The following PRKG1 variants were observed in gnomAD, a reference collection of about 807,000 sequenced individuals.
PRKG1 encodes the protein protein kinase cGMP-dependent 1, also known as cGMP-dependent protein kinase 1.
PRKG1 carries 35 observed loss-of-function variants against 88.1 expected under a neutral mutation model. The ratio of observed to expected loss-of-function variants is 0.40; its 90% CI spans 0.30 to 0.53. The LOEUF is 0.53. PRKG1 is among the 20% of genes least tolerant of loss of function. PRKG1 has a pLI of 0.59. For missense variants in PRKG1, 540 were observed against 839.8 expected, an observed-to-expected ratio of 0.64 and a Z score of 4.41; for synonymous variants, 303 against 292.5, an observed-to-expected ratio of 1.04 and a Z score of -0.37.
At chr10:51,758,531 C>T (rs1386168624) in intron 3 of PRKG1, among the ~76,000 whole-genome samples, 1 of 152,120 alleles carries the variant, frequency 6.6e-6, no homozygotes, top group Non-Finnish European at 1.5e-5. Flanking sequence ...AGGAGGAAAA[C>T]CTGCAGCTGG....
At chr10:51,014,894 A>G (rs1330572697) in intron 1 of PRKG1, among the ~76,000 whole-genome samples, 3 of 152,208 alleles carry the variant, frequency 2.0e-5, no homozygotes, top group Admixed American at 2.0e-4. Context: ...CTAAAAATAA[A>G]CAAAGACTTG....
At chr10:52,023,088 C>A (rs1280658847) in intron 5 of PRKG1, among the ~76,000 whole-genome samples, 1 of 152,130 alleles carries the variant, frequency 6.6e-6, no homozygotes, top group Non-Finnish European at 1.5e-5. Flanking sequence ...CCCGACAGGT[C>A]CTGGTGTGTG....
intron 3 of PRKG1, among the ~76,000 whole-genome samples, chr10:51,592,064 C>T (rs1289072684): frequency 2.0e-5 from 3 of 152,152 alleles, no homozygotes; most frequent in African/African-American, 7.2e-5. Flanking sequence ...CAGAAGGACA[C>T]TCTGCAAAGA....
At position 51,605,086 on chromosome 10, in the gene PRKG1, G is replaced by A. The variant is rs895323013; in HGVS notation, c.592+137250G>A. Among the ~76,000 whole-genome samples the A allele has an allele frequency of 5.3e-5, 8 of 152,234 alleles. No homozygotes were observed. The East Asian group carries it at 7.8e-4, about 15-fold the overall frequency. On this transcript the variant is annotated intron_variant, in intron 3 of 17. Coordinates refer to ENST00000373980, the MANE Select transcript of PRKG1 (RefSeq NM_006258.4). Reference sequence around the variant, plus strand: ...GGTGGTCCTCCCCTGGAGTCGGGCCGCCCAAGGCTATACTCCCCTCGGCAT... The same window carrying A: ...GGTGGTCCTCCCCTGGAGTCGGGCCACCCAAGGCTATACTCCCCTCGGCAT...
intron 4 of PRKG1, among the ~76,000 whole-genome samples, chr10:51,895,147 T>C (rs1258587866): frequency 2.0e-5 from 3 of 152,164 alleles, no homozygotes; most frequent in African/African-American, 7.2e-5. Flanking sequence ...TGGAGAGGTG[T>C]CGAAGAATTG....
At chr10:51,190,719 G>A (rs554827962) in intron 2 of PRKG1, among the ~76,000 whole-genome samples, 1 of 151,782 alleles carries the variant, frequency 6.6e-6, no homozygotes, top group Non-Finnish European at 1.5e-5. Context: ...TTTTTATTCT[G>A]TGGAATCACA....
At chr10:51,154,439 A>G (rs1846155061) in intron 2 of PRKG1, among the ~76,000 whole-genome samples, 1 of 151,968 alleles carries the variant, frequency 6.6e-6, no homozygotes, top group African/African-American at 2.4e-5. Context: ...ATGTCATTAG[A>G]GCCAACGTAT....
chr10:51,137,847 A>C (rs1845725238), intron 1 of PRKG1, among the ~76,000 whole-genome samples: 1 of 152,206 alleles, frequency 6.6e-6, no homozygotes, highest in South Asian at 2.1e-4. Context: ...AGTTTGAGTA[A>C]GTGATAACTG....
chr10:51,137,126 C>T (rs185905528), intron 1 of PRKG1, among the ~76,000 whole-genome samples: 405 of 152,160 alleles, frequency 2.7e-3, no homozygotes, highest in Non-Finnish European at 4.5e-3. Flanking sequence ...ACCTCCTGAT[C>T]CGCCTGCCTC....
intron 8 of PRKG1, among the ~76,000 whole-genome samples, chr10:52,156,784 TGGG>T (rs1352806794): frequency 2.0e-5 from 3 of 151,800 alleles, no homozygotes; most frequent in Admixed American, 2.0e-4. Context: ...TCTGAAACCT[TGGG>T]CTTAGCTAAG....
chr10:52,152,209 G>A (rs375401364), intron 8 of PRKG1, among the ~76,000 whole-genome samples: 4 of 152,106 alleles, frequency 2.6e-5, no homozygotes, highest in Admixed American at 2.6e-4. Context: ...ATGAATAAAT[G>A]AGTAAGTGGT....
At chr10:51,215,524 G>A (rs572950741) in intron 2 of PRKG1, among the ~76,000 whole-genome samples, 1 of 152,178 alleles carries the variant, frequency 6.6e-6, no homozygotes, top group Non-Finnish European at 1.5e-5. Context: ...AAACTGAGGG[G>A]CAAGCTTGGG....
rs1297371665 is a variant in PRKG1, at chr10:51,554,047, CGTATGTGATACGTGT to C, written c.592+86212_592+86226del. On this transcript the variant is annotated intron_variant, in intron 3 of 17. Transcript: ENST00000373980. ...GTGATACGTGTATATATTATATGTGCGTATGTGATACGTGTATATATTATATGTGCGTATGTGATA... is the reference window on the plus strand; with the variant it reads ...GTGATACGTGTATATATTATATGTGCATATATTATATGTGCGTATGTGATA... Among the ~76,000 whole-genome samples, 108 of 115,166 alleles carry C rather than the reference CGTATGTGATACGTGT, an allele frequency of 9.4e-4. 3 individuals carry two copies. Among genetic ancestry groups the C allele is most frequent in the Middle Eastern group, 6.2e-3 (1 of 162 alleles). 75.6% of individuals were successfully genotyped at this position (115,166 alleles called of 152,430 possible). A position where few individuals can be genotyped will look rare whatever the true frequency, so the allele number is the denominator to read the frequency against.
rs530403646 is a variant in PRKG1 at position 52,082,675 on chromosome 10, G to A, written c.935+20044G>A. ...GTTTGATACCATTGTTCTGCCTTCC[G>A]AAAGCACACACATTCTTTTTTCTGT... On this transcript the variant is annotated intron_variant, in intron 7 of 17. Coordinates refer to ENST00000373980, the MANE Select transcript of PRKG1 (RefSeq NM_006258.4). 6.6e-5 allele frequency among the ~76,000 whole-genome samples: 10 copies of A among 152,164 alleles called. No individual in the cohort carries two copies. In the East Asian group the frequency reaches 1.5e-3, roughly 24 times the overall value.
At chr10:51,466,031 G>A (rs1264825224) in intron 2 of PRKG1, among the ~76,000 whole-genome samples, 1 of 152,076 alleles carries the variant, frequency 6.6e-6, no homozygotes, top group Admixed American at 6.5e-5. Flanking sequence ...AAGGTCATAA[G>A]GCCAGTAAGG....
chr10:51,189,053 G>A (rs1386981532), intron 2 of PRKG1, among the ~76,000 whole-genome samples: 1 of 151,702 alleles, frequency 6.6e-6, no homozygotes, highest in Non-Finnish European at 1.5e-5. Context: ...CCTATTGAGG[G>A]TCTCAGAATA....
At chr10:51,507,101 T>C (rs1222092371) in intron 3 of PRKG1, among the ~76,000 whole-genome samples, 2 of 135,682 alleles carry the variant, frequency 1.5e-5, no homozygotes, top group Admixed American at 1.8e-4. Flanking sequence ...AATTGAACAA[T>C]GAGAACACAT....
intron 3 of PRKG1, among the ~76,000 whole-genome samples, chr10:51,649,805 T>A (rs558628657): frequency 6.6e-6 from 1 of 152,310 alleles, no homozygotes; most frequent in Middle Eastern, 3.4e-3. Context: ...CATTGGCCAC[T>A]TCATGCTCAC....
chr10:51,856,966 T>TAAAAAAAAAA (rs748890081), intron 4 of PRKG1, among the ~76,000 whole-genome samples: 1 of 96,766 alleles, frequency 1.0e-5, no homozygotes, highest in Non-Finnish European at 2.0e-5. Context: ...TCCGTCTTAC[T>TAAAAAAAAAA]AAAAAAAAGA....
Sources: gnomAD v4.1 joint callset for allele counts (sites outside exome capture counted in the v4.1 genomes callset) on GRCh38, gnomAD v4.1.1 for gene constraint, MANE v1.5 for transcripts, NCBI Gene and HGNC (gene_info 2026-07-23, HGNC 2026-07-21) for gene names.